Variants in PTPRA observed in about 807,000 individuals in gnomAD.
PTPRA encodes protein tyrosine phosphatase receptor type A, also known as receptor-type tyrosine-protein phosphatase alpha.
In PTPRA, 25 loss-of-function variants were observed where a neutral mutation model predicts 104.8. That is an observed-to-expected ratio of 0.24 (90% CI 0.17 to 0.33). The LOEUF (loss-of-function observed/expected upper bound fraction) is 0.33. Among genes scored for constraint, PTPRA ranks in the 10% least tolerant of loss-of-function variants. The pLI, the probability that PTPRA is intolerant of heterozygous loss-of-function variation, is 1.00. For missense variants in PTPRA, 765 were observed against 1,015.3 expected (o/e 0.75, Z 3.35); for synonymous variants, 323 against 368.9 (o/e 0.88, Z 1.43).
At chr20:3,017,311 T>C (rs1365840508) in intron 12 of PTPRA, among the ~76,000 whole-genome samples, 2 of 152,202 alleles carry the variant, frequency 1.3e-5, no homozygotes, top group Admixed American at 1.3e-4. Context: ...ATCTCATTTA[T>C]TTTCCTCTGT....
intron 1 of PTPRA, among the ~76,000 whole-genome samples, chr20:2,911,611 C>G (rs2059725059): frequency 6.6e-6 from 1 of 152,096 alleles, no homozygotes; most frequent in South Asian, 2.1e-4. Flanking sequence ...ATAGTCTGAT[C>G]TGATCAGGAG....
chr20:3,037,338 T>A lies in PTPRA; in HGVS notation c.2334+49T>A. On this transcript the variant is annotated intron_variant, in intron 23 of 23. Coordinates refer to ENST00000399903, the MANE Select transcript of PTPRA (RefSeq NM_001385305.1). This position sits in a 1 kb window ranked among gnomAD's most constrained non-coding sequence, Gnocchi z 4.3. ...CTGCCACCACACCACCTGCAGCCCT[T>A]CTCTCAGGGAGGAGGCTCTTCAGAG... 6.2e-7 allele frequency: 1 copy of A among 1,604,084 alleles called. No individual in the cohort carries two copies. Among genetic ancestry groups the A allele is most frequent in the Non-Finnish European group, 8.5e-7 (1 of 1,175,392 alleles).
chr20:3,025,886 A>T lies in PTPRA; in HGVS notation c.1615-801A>T, dbSNP rs1042318863. On this transcript the variant is annotated intron_variant, in intron 17 of 23. Transcript: ENST00000399903. ...TCTGTCTCAAAAAAAAAAAAAAAAA[A>T]GATATTAGGTTCTGATTCAGCAGGT... 2.7e-5 allele frequency among the ~76,000 whole-genome samples: 4 copies of T among 149,566 alleles called. No homozygotes were observed. The South Asian group carries it at 8.5e-4, about 32-fold the overall frequency.
intron 9 of PTPRA, among the ~76,000 whole-genome samples, chr20:3,000,653 T>G (rs550239456): frequency 2.0e-5 from 3 of 152,142 alleles, no homozygotes; most frequent in African/African-American, 7.2e-5. Flanking sequence ...AGTAGTAGAA[T>G]GGATAAGTAA....
At chr20:2,882,310 G>A (rs75245421) in intron 1 of PTPRA, among the ~76,000 whole-genome samples, 1 of 64,096 alleles carries the variant, frequency 1.6e-5, no homozygotes, top group Admixed American at 1.6e-4. Context: ...TTTTTTTTTT[G>A]AGACAGTTTT....
chr20:3,004,174 T>C (rs1334931972), intron 9 of PTPRA, among the ~76,000 whole-genome samples: 3 of 152,166 alleles, frequency 2.0e-5, no homozygotes, highest in Non-Finnish European at 4.4e-5. Context: ...TGCACCACCA[T>C]ACCCAGCTAA....
intron 1 of PTPRA, among the ~76,000 whole-genome samples, chr20:2,918,612 G>A (rs1395229108): frequency 6.6e-6 from 1 of 152,160 alleles, no homozygotes; most frequent in East Asian, 1.9e-4. Context: ...CCCATTTGTT[G>A]TATTCATTTA....
At chr20:2,897,945 T>C (rs890420305) in intron 1 of PTPRA, among the ~76,000 whole-genome samples, 2 of 134,082 alleles carry the variant, frequency 1.5e-5, no homozygotes, top group South Asian at 2.5e-4. Flanking sequence ...AGAGTTTTGC[T>C]CTTGTTGCCC....
intron 20 of PTPRA, among the ~76,000 whole-genome samples, chr20:3,030,218 G>C (rs1283140032): frequency 6.6e-6 from 1 of 152,220 alleles, no homozygotes; most frequent in Non-Finnish European, 1.5e-5. Context: ...CCTAGTGAGA[G>C]TAAAGGGCAG....
intron 2 of PTPRA, among the ~76,000 whole-genome samples, chr20:2,927,413 C>G (rs1442266625): frequency 3.3e-5 from 5 of 152,202 alleles, no homozygotes; most frequent in Non-Finnish European, 5.9e-5. Flanking sequence ...CCGTAACTTT[C>G]TCATAAAATT....
intron 5 of PTPRA, among the ~76,000 whole-genome samples, chr20:2,965,645 T>G (rs1217752117): frequency 6.6e-6 from 1 of 150,960 alleles, no homozygotes; most frequent in African/African-American, 2.4e-5. Flanking sequence ...GTAATAAGAT[T>G]AGGTTTGGAA....
the PTPRA span, chr20:2,864,277 C>A: frequency 6.2e-7 from 1 of 1,614,170 alleles, no homozygotes; most frequent in African/African-American, 1.3e-5. This position sits in a 1 kb window ranked among gnomAD's most constrained non-coding sequence, Gnocchi z 5.2. Context: ...AGAGCGGGGA[C>A]ACTGACCTGG....
At chr20:2,919,310 C>A (rs1456081751) in intron 1 of PTPRA, among the ~76,000 whole-genome samples, 2 of 152,082 alleles carry the variant, frequency 1.3e-5, no homozygotes, top group Non-Finnish European at 2.9e-5. Flanking sequence ...TGGGTTTTTT[C>A]CTCCCTTTAA....
chr20:2,910,194 GATAT>G (rs911735931), intron 1 of PTPRA, among the ~76,000 whole-genome samples: 3 of 86,826 alleles, frequency 3.5e-5, no homozygotes, highest in East Asian at 3.1e-4. Context: ...TATGATATAT[GATAT>G]ATATACTATA....
chr20:2,898,246 A>G (rs1039028321), intron 1 of PTPRA, among the ~76,000 whole-genome samples: 9 of 151,014 alleles, frequency 6.0e-5, no homozygotes, highest in African/African-American at 2.0e-4. Flanking sequence ...TGCCCGGCTA[A>G]TTTTTTTGTA....
At chr20:2,920,771 G>T (rs1046701269) in intron 1 of PTPRA, among the ~76,000 whole-genome samples, 3 of 151,818 alleles carry the variant, frequency 2.0e-5, no homozygotes, top group Non-Finnish European at 4.4e-5. Context: ...AATATTGACC[G>T]GGAGGAAAGG....
rs1210207151 is a variant in PTPRA at position 2,988,426 on chromosome 20, T to C, written c.690T>C (p.Ile230=). Residue 230 remains isoleucine, a synonymous_variant, in exon 9 of 24, where the codon ATT becomes ATC. Transcript: ENST00000399903. ...CCGTGGACAAGCTGGAAGAGGAAAT[T>C]AACCGGAGAATGGCAGACGACAATA... The part of the protein sequence containing the change: ...PLPVDKLEEE[I]NRRMADDNKL... 1.2e-6 allele frequency: 2 copies of C among 1,612,744 alleles called. No individual in the cohort carries two copies. The highest frequency in any genetic ancestry group is 2.7e-5 in the African/African-American group (2 of 74,738).
At chr20:2,870,061 A>G (rs1160506152), upstream of PTPRA, among the ~76,000 whole-genome samples, 1 of 101,978 alleles carries the variant, frequency 9.8e-6, no homozygotes, top group Non-Finnish European at 1.9e-5. Context: ...TTAGATACAA[A>G]GTTCCAGTGA....
At chr20:2,966,188 A>G (rs1489379911) in intron 5 of PTPRA, among the ~76,000 whole-genome samples, 1 of 152,076 alleles carries the variant, frequency 6.6e-6, no homozygotes, top group Non-Finnish European at 1.5e-5. Flanking sequence ...CATATTTTCT[A>G]CCGTAAAGAC....
Sources: gnomAD v4.1 joint callset for allele counts (sites outside exome capture counted in the v4.1 genomes callset) on GRCh38, gnomAD v4.1.1 for gene constraint, Gnocchi (gnomAD v3.1) non-coding constraint, MANE v1.5 for transcripts, NCBI Gene and HGNC (gene_info 2026-07-23, HGNC 2026-07-21) for gene names.